The following GRIPAP1 variants were observed in gnomAD, a reference collection of about 807,000 sequenced individuals.
GRIPAP1 encodes GRIP1-associated protein 1.
A neutral mutation model predicts 84.1 loss-of-function variants in GRIPAP1; 14 were observed. That is an observed-to-expected ratio of 0.17 (90% CI 0.11 to 0.26). The LOEUF (loss-of-function observed/expected upper bound fraction) is 0.26, where lower values mean the gene tolerates loss of function less well. Among genes scored for constraint, GRIPAP1 ranks in the 10% least tolerant of loss-of-function variants. GRIPAP1 has a pLI of 1.00. For missense variants in GRIPAP1, 518 were observed against 674.2 expected (o/e 0.77, Z 2.57); for synonymous variants, 261 against 256.8 (o/e 1.02, Z -0.15).
intron 25 of GRIPAP1, 136 bp downstream of exon 25, chrX:48,975,019 A>T (rs899690944): frequency 3.0e-5 from 14 of 472,059 alleles, no homozygotes; most frequent in Non-Finnish European, 3.5e-5. Context: ...GGAGTAGTTG[A>T]TGAGTGGGTA....
intron 13 of GRIPAP1, among the ~76,000 whole-genome samples, chrX:48,986,617 A>T (rs2064489447): frequency 9.2e-6 from 1 of 109,042 alleles, no homozygotes; most frequent in South Asian, 4.0e-4. Context: ...CTGGTCTCGA[A>T]CTCCGAACCC....
chrX:48,996,378 G>A (rs782252407), intron 5 of GRIPAP1, among the ~76,000 whole-genome samples: 9 of 112,387 alleles, frequency 8.0e-5, no homozygotes, highest in African/African-American at 2.9e-4. Flanking sequence ...GGCCAAGACG[G>A]GTGGATCACC....
At chrX:48,975,800 A>G (rs2064419005) in intron 24 of GRIPAP1, 2 of 421,122 alleles carry the variant, frequency 4.7e-6, no homozygotes, top group Non-Finnish European at 8.3e-6. Flanking sequence ...GAGAGACACA[A>G]TGGAGAATGG....
rs1168735090 is a variant in GRIPAP1, at chrX:48,997,287, C to T, written c.269G>A (p.Arg90His). 9 of 1,181,629 alleles carry T rather than the reference C, an allele frequency of 7.6e-6. No individual in the cohort carries two copies. Among genetic ancestry groups the T allele is most frequent in the Admixed American group, 4.5e-5 (2 of 44,388 alleles). The part of the protein sequence containing the change: ...AKLHSQEEDF[R>H]LQNSTLMAEF... ...GGCCATTAGTGTGCTGTTCTGCAAA[C>T]GGAAGTCCTCCTCCTGGCTGTGCAG... is the stretch of plus-strand genomic sequence containing the variant. The change falls in exon 5 of 26, where the codon CGT becomes CAT. Residue 90 changes from arginine to histidine, a missense_variant. Around this residue, in one of 5 missense-constraint regions of GRIPAP1, gnomAD observed 372 missense variants for 458.1 expected, o/e 0.81. Transcript: ENST00000376423.
chrX:48,990,320 A>T (rs970732729), intron 8 of GRIPAP1, among the ~76,000 whole-genome samples: 2 of 111,875 alleles, frequency 1.8e-5, no homozygotes, highest in African/African-American at 6.5e-5. Context: ...CATGTTATAG[A>T]TTGGCTAGGC....
intron 5 of GRIPAP1, among the ~76,000 whole-genome samples, chrX:48,994,225 T>C (rs1313808413): frequency 6.0e-5 from 6 of 99,437 alleles, no homozygotes; most frequent in Admixed American, 4.3e-4. Context: ...CTTTCTTTTT[T>C]TTTTTTTTTT....
intron 6 of GRIPAP1, 176 bp from the exon 7 acceptor site, chrX:48,991,286 C>CT (rs781898018): frequency 0.034 from 10,514 of 311,358 alleles, no homozygotes; most frequent in East Asian, 0.05. Context: ...ACATTTTTTT[C>CT]TTTTTTTTTT....
rs2064411414 is a variant in GRIPAP1 at position 48,974,355 on chromosome X, C to A, written c.2434-70G>T. 31 of 644,540 alleles carry A rather than the reference C, an allele frequency of 4.8e-5. No individual in the cohort carries two copies. In the South Asian group the frequency reaches 7.4e-4, roughly 15 times the overall value. The allele number at this position is 644,540 out of a possible 1,213,427, so 53.1% of individuals were successfully genotyped here. The stretch of plus-strand genomic sequence containing the variant: ...TGCTCCCTTGCCAAACGTAGGGTAT[C>A]ATCTGTGATTTCCCTCACACCCTTT... On this transcript the variant is annotated intron_variant, in intron 25 of 25. Coordinates refer to ENST00000376423, the MANE Select transcript of GRIPAP1 (RefSeq NM_020137.5).
rs782800521 is a variant in GRIPAP1, at chrX:49,002,141, C to G, written c.42+47G>C. The G allele has an allele frequency of 6.6e-6, 6 of 915,891 alleles. No individual in the cohort carries two copies. In the Admixed American group the frequency reaches 1.5e-4, roughly 22 times the overall value. The allele number at this position is 915,891 out of a possible 1,213,427, so 75.5% of individuals were successfully genotyped here. A position where few individuals can be genotyped will look rare whatever the true frequency, so the allele number is the denominator to read the frequency against. On this transcript the variant is annotated intron_variant, in intron 1 of 25. Coordinates refer to ENST00000376423, the MANE Select transcript of GRIPAP1 (RefSeq NM_020137.5). ...CTGATAGCACGACCTCTCGCTACCCCGCCCCCGGTCGCCTAGCCGGGTGGT... is the reference window on the plus strand; with the variant it reads ...CTGATAGCACGACCTCTCGCTACCCGGCCCCCGGTCGCCTAGCCGGGTGGT...
At position 48,978,354 on chromosome X, in the gene GRIPAP1, C is replaced by T; in HGVS notation, c.2012G>A (p.Ser671Asn). Reference protein sequence around the residue: ...TGDSSSISSFSYREILREKES... With the variant: ...TGDSSSISSFNYREILREKES... ...CTTTTCCCGCAAGATCTCCCGGTAG[C>T]TGAAGGAGGAGATGCTACTGCTGTC... The change falls in exon 22 of 26, where the codon AGC (serine) becomes AAC (asparagine). Residue 671 changes from serine to asparagine, a missense_variant. This residue lies in a region of GRIPAP1 where 66 missense variants were observed against 65.2 expected (regional missense o/e 1.01). Coordinates refer to ENST00000376423, the MANE Select transcript of GRIPAP1 (RefSeq NM_020137.5). 1.7e-6 allele frequency: 2 copies of T among 1,209,313 alleles called. No individual in the cohort carries two copies. Among genetic ancestry groups the T allele is most frequent in the South Asian group, 3.5e-5 (2 of 56,470 alleles).
In GRIPAP1 at chrX:48,983,384, C is replaced by A. The variant is rs2064468755; in HGVS notation, c.1329G>T (p.Glu443Asp). ...CCAGCTCTTCCTTGTGCTGGGACTT[C>A]TCTTGCAGCGTTTCCATTGCTAGCT... ...LDELAMETLQ[E>D]KSQHKEELGA... The change falls in exon 16 of 26, where the codon GAG (glutamate) becomes GAT (aspartate). Residue 443 changes from glutamate to aspartate, a missense_variant. Transcript: ENST00000376423. The A allele has an allele frequency of 8.3e-7, 1 of 1,211,890 alleles. No homozygotes were observed. Among genetic ancestry groups the A allele is most frequent in the Admixed American group, 2.2e-5 (1 of 46,096 alleles).
chrX:48,976,176 G>C, intron 23 of GRIPAP1, 65 bp from the exon 24 acceptor site: 3 of 1,190,772 alleles, frequency 2.5e-6, no homozygotes, highest in Non-Finnish European at 3.4e-6. Context: ...AGGCGGGCCC[G>C]GGCAGACCCC....
chrX:48,990,370 C>T (rs1159094523), intron 8 of GRIPAP1, among the ~76,000 whole-genome samples: 1 of 112,144 alleles, frequency 8.9e-6, no homozygotes, highest in African/African-American at 3.2e-5. Flanking sequence ...CTGGGTGCCG[C>T]ACCCCTGGGT....
At chrX:48,989,116 C>T (rs782279771) in intron 11 of GRIPAP1, among the ~76,000 whole-genome samples, 15 of 111,426 alleles carry the variant, frequency 1.3e-4, no homozygotes, top group African/African-American at 3.9e-4. Flanking sequence ...CCCAAGCCAG[C>T]GCCCAGATCC....
chrX:48,989,774 C>A (rs1194946610), intron 10 of GRIPAP1, 61 bp downstream of exon 10: 3 of 1,140,282 alleles, frequency 2.6e-6, no homozygotes, highest in Non-Finnish European at 2.4e-6. Flanking sequence ...AGCTCTGCCC[C>A]TGTAATCTTC....
Position 48,978,792 on chromosome X carries a change from G to T in GRIPAP1, c.1931-357C>A, listed in dbSNP as rs183353684. On this transcript the variant is annotated intron_variant, in intron 21 of 25. Transcript: ENST00000376423. ...GCCTGTAATTCCAGCGATTCAGGAG[G>T]CTGAGGCAGGAGAATCGCTTGAACC... Among the ~76,000 whole-genome samples, 3 of 109,152 alleles carry T rather than the reference G, an allele frequency of 2.7e-5. No individual in the cohort carries two copies. The South Asian group carries it at 1.2e-3, about 44-fold the overall frequency. The allele number at this position is 109,152 out of a possible 115,157, so 94.8% of individuals were successfully genotyped here. A position where few individuals can be genotyped will look rare whatever the true frequency, so the allele number is the denominator to read the frequency against.
chrX:49,001,535 C>G (rs1448415075), intron 1 of GRIPAP1, among the ~76,000 whole-genome samples: 1 of 110,620 alleles, frequency 9.0e-6, no homozygotes, highest in African/African-American at 3.3e-5. Flanking sequence ...GTCCTCCCCC[C>G]AGTTAATGGG....
At chrX:49,000,364 C>CAAAAAAA (rs1156902802) in intron 1 of GRIPAP1, among the ~76,000 whole-genome samples, 3 of 22,215 alleles carry the variant, frequency 1.4e-4, no homozygotes, top group Non-Finnish European at 1.9e-4. Flanking sequence ...GACTCTGTCT[C>CAAAAAAA]AAAAAAAAAA....
intron 13 of GRIPAP1, among the ~76,000 whole-genome samples, chrX:48,985,608 A>T (rs1270378594): frequency 8.9e-6 from 1 of 112,031 alleles, no homozygotes; most frequent in Non-Finnish European, 1.9e-5. Flanking sequence ...CAGTAAGAGA[A>T]CAGATCTGTG....
Sources: allele counts gnomAD v4.1 joint callset (sites outside exome capture counted in the v4.1 genomes callset), GRCh38; gene constraint gnomAD v4.1.1; regional missense constraint gnomAD v4.1.1; transcripts MANE v1.5; gene names NCBI Gene and HGNC (gene_info 2026-07-23, HGNC 2026-07-21).